Variants in PLXNA4 observed in about 807,000 individuals in gnomAD.
The protein encoded by PLXNA4 is plexin-A4.
Under a neutral mutation model 191.8 loss-of-function variants are expected in PLXNA4, and 44 were observed. The ratio of observed to expected loss-of-function variants is 0.23; its 90% CI spans 0.18 to 0.29. PLXNA4 has a LOEUF of 0.29. Among genes scored for constraint, PLXNA4 ranks in the 10% least tolerant of loss-of-function variants. The probability of loss-of-function intolerance (pLI) is 1.00; values close to 1 mark genes in which losing one functional copy is unlikely to be tolerated. For missense variants in PLXNA4, 1,800 were observed against 2,488.8 expected (o/e 0.72, Z 5.89); for synonymous variants, 1,082 against 1,009.5 (o/e 1.07, Z -1.36).
intron 1 of PLXNA4, among the ~76,000 whole-genome samples, chr7:132,512,145 TC>T (rs1241408954): frequency 6.6e-6 from 1 of 152,172 alleles, no homozygotes; most frequent in African/African-American, 2.4e-5. Flanking sequence ...GGGCTGATAA[TC>T]CCCCTTCCAG....
At chr7:132,616,259 AGAG>A (rs1803156009) in intron 2 of PLXNA4, among the ~76,000 whole-genome samples, 1 of 152,158 alleles carries the variant, frequency 6.6e-6, no homozygotes, top group African/African-American at 2.4e-5. Context: ...TGCAGGCAAG[AGAG>A]GAGAAAATGT....
intron 24 of PLXNA4, 61 bp downstream of exon 24, chr7:132,164,081 G>A (rs535273527): frequency 2.5e-6 from 4 of 1,605,636 alleles, no homozygotes; most frequent in East Asian, 2.2e-5. Context: ...TGCTGAGCAG[G>A]GCTACCCAGG....
intron 13 of PLXNA4, among the ~76,000 whole-genome samples, chr7:132,197,620 A>G (rs1010082487): frequency 5.3e-5 from 8 of 152,156 alleles, no homozygotes; most frequent in Non-Finnish European, 1.5e-5. Context: ...GAGTCCTACC[A>G]AGACTGGATC....
At chr7:132,469,530 G>A (rs1796851389) in intron 3 of PLXNA4, among the ~76,000 whole-genome samples, 1 of 152,208 alleles carries the variant, frequency 6.6e-6, no homozygotes, top group South Asian at 2.1e-4. Flanking sequence ...CCCTGGGATT[G>A]AAGACTGACT....
chr7:132,228,523 G>A lies in PLXNA4; in HGVS notation c.1605-54C>T. ...AGGAGATGGCCGCTTGGTCCAGGGAGGGGCGGATGCTGAGGTCAGGTGTTT... is the reference window on the plus strand; with the variant it reads ...AGGAGATGGCCGCTTGGTCCAGGGAAGGGCGGATGCTGAGGTCAGGTGTTT... On this transcript the variant is annotated intron_variant, in intron 5 of 31. Transcript: ENST00000321063. The A allele has an allele frequency of 2.5e-6, 4 of 1,605,376 alleles. No homozygotes were observed. The Admixed American group carries it at 5.0e-5, about 20-fold the overall frequency.
intron 30 of PLXNA4, among the ~76,000 whole-genome samples, chr7:132,139,998 C>T: frequency 6.6e-6 from 1 of 152,164 alleles, no homozygotes; most frequent in East Asian, 1.9e-4. Flanking sequence ...TAGGAAGAGC[C>T]CAGCCCTGCG....
intron 3 of PLXNA4, chr7:132,484,923 G>T (rs192719166): frequency 6.2e-7 from 1 of 1,614,184 alleles, no homozygotes; most frequent in East Asian, 2.2e-5. Flanking sequence ...CACAGCATCT[G>T]TTCCTGAGAA....
At chr7:132,415,724 T>C (rs927879008) in intron 3 of PLXNA4, among the ~76,000 whole-genome samples, 2 of 152,182 alleles carry the variant, frequency 1.3e-5, no homozygotes, top group African/African-American at 2.4e-5. Flanking sequence ...TTTTCATCAA[T>C]ACAGCAAACC....
At position 132,125,644 on chromosome 7, in the gene PLXNA4, G is replaced by A. The variant is rs1338831524; in HGVS notation, c.*4835C>T. 6.6e-6 allele frequency: 1 copy of A among 152,064 alleles called. No individual in the cohort carries two copies. Among genetic ancestry groups the A allele is most frequent in the Non-Finnish European group, 1.5e-5 (1 of 68,056 alleles). The allele number at this position is 152,064 out of a possible 1,614,324, so 9.4% of individuals were successfully genotyped here. Reference sequence around the variant, plus strand: ...TTTTTTTTAAAGGAAGAGGCTGAGGGTTCAAGGCCTCCCAGTCACCTGTCC... The same window carrying A: ...TTTTTTTTAAAGGAAGAGGCTGAGGATTCAAGGCCTCCCAGTCACCTGTCC... On this transcript the variant is annotated 3_prime_UTR_variant, in exon 32 of 32. Transcript: ENST00000321063.
chr7:132,545,823 A>G (rs560477937), intron 1 of PLXNA4, among the ~76,000 whole-genome samples: 6 of 152,318 alleles, frequency 3.9e-5, no homozygotes, highest in African/African-American at 1.4e-4. Context: ...ACTGACTGAC[A>G]CCATCCACCA....
intron 3 of PLXNA4, among the ~76,000 whole-genome samples, chr7:132,337,592 AAAC>A (rs1423608445): frequency 2.6e-5 from 4 of 152,370 alleles, no homozygotes; most frequent in African/African-American, 9.6e-5. Context: ...CATTTCTAAG[AAAC>A]AACGTTTACA....
intron 2 of PLXNA4, among the ~76,000 whole-genome samples, chr7:132,618,140 T>C (rs1164378885): frequency 1.3e-5 from 2 of 152,198 alleles, no homozygotes; most frequent in East Asian, 3.9e-4. Flanking sequence ...GCCTGGGAAA[T>C]GCAGTCCCTA....
At chr7:132,367,468 C>T (rs1023925157) in intron 3 of PLXNA4, among the ~76,000 whole-genome samples, 3 of 151,246 alleles carry the variant, frequency 2.0e-5, no homozygotes, top group African/African-American at 7.3e-5. Flanking sequence ...GAAGGAACTG[C>T]CATGGAGCCT....
chr7:132,317,598 T>C (rs989209044), intron 3 of PLXNA4, among the ~76,000 whole-genome samples: 3 of 152,236 alleles, frequency 2.0e-5, no homozygotes, highest in Non-Finnish European at 2.9e-5. Flanking sequence ...TGAGTTGGAC[T>C]GAACTGGGTT....
chr7:132,604,060 C>T (rs375915455), intron 2 of PLXNA4, among the ~76,000 whole-genome samples: 5 of 152,270 alleles, frequency 3.3e-5, no homozygotes, highest in African/African-American at 1.2e-4. Context: ...CTGTGCCCAC[C>T]ACTGTCCACA....
At chr7:132,555,054 A>AAAC (rs1413560446) in intron 1 of PLXNA4, among the ~76,000 whole-genome samples, 1 of 151,342 alleles carries the variant, frequency 6.6e-6, no homozygotes, top group African/African-American at 2.4e-5. Flanking sequence ...GGAAAAAAAA[A>AAAC]AACAAAAAAA....
At chr7:132,537,895 G>T (rs867683895) in intron 1 of PLXNA4, among the ~76,000 whole-genome samples, 1 of 152,160 alleles carries the variant, frequency 6.6e-6, no homozygotes, top group South Asian at 2.1e-4. Context: ...ACCACAACCC[G>T]CACGCTCAGC....
At chr7:132,560,364 A>C (rs979689769) in intron 1 of PLXNA4, among the ~76,000 whole-genome samples, 1 of 152,184 alleles carries the variant, frequency 6.6e-6, no homozygotes, top group African/African-American at 2.4e-5. Context: ...TCCTAAGGGA[A>C]GGTGAATACC....
chr7:132,187,468 T>C lies in PLXNA4; in HGVS notation c.2993+3A>G. On this transcript the variant is annotated splice_donor_region_variant and intron_variant, in intron 15 of 31. Transcript: ENST00000321063. ...TGCTGCAGAAAGGGGCCCTCTGAGT[T>C]ACCTGTGGAAGAGACAGGGCTGCTT... The C allele has an allele frequency of 6.2e-7, 1 of 1,612,604 alleles. No individual in the cohort carries two copies. The highest frequency in any genetic ancestry group is 8.5e-7 in the Non-Finnish European group (1 of 1,179,130).
Sources: allele counts gnomAD v4.1 joint callset (sites outside exome capture counted in the v4.1 genomes callset), GRCh38; gene constraint gnomAD v4.1.1; transcripts MANE v1.5; gene names NCBI Gene and HGNC (gene_info 2026-07-23, HGNC 2026-07-21).